The following CSMD1 variants were observed in gnomAD, a reference collection of about 807,000 sequenced individuals.
CSMD1 encodes CUB and sushi domain-containing protein 1.
In CSMD1, 213 loss-of-function variants were observed where a neutral mutation model predicts 417.5. That is an observed-to-expected ratio of 0.51 (90% CI 0.46 to 0.57). The LOEUF (loss-of-function observed/expected upper bound fraction) is 0.57. Among genes scored for constraint, CSMD1 ranks in the 20% least tolerant of loss-of-function variants. The pLI is 0.00. For missense variants in CSMD1, 6,923 were observed against 4,529.7 expected, an observed-to-expected ratio of 1.53 and a Z score of -15.17; for synonymous variants, 2,862 against 1,736.8, an observed-to-expected ratio of 1.65 and a Z score of -16.11.
At chr8:3,646,324 A>C (rs1274806534) in intron 7 of CSMD1, among the ~76,000 whole-genome samples, 1 of 152,208 alleles carries the variant, frequency 6.6e-6, no homozygotes, top group African/African-American at 2.4e-5. Flanking sequence ...AAAATATAGA[A>C]GATATTAAAA....
chr8:3,850,752 A>T (rs191964827), intron 5 of CSMD1, among the ~76,000 whole-genome samples: 38 of 152,236 alleles, frequency 2.5e-4, no homozygotes, highest in Admixed American at 7.2e-4. Context: ...TGAAATTCGC[A>T]TTTATACACA....
intron 3 of CSMD1, among the ~76,000 whole-genome samples, chr8:4,369,135 G>T (rs899273696): frequency 6.6e-6 from 1 of 152,010 alleles, no homozygotes; most frequent in Non-Finnish European, 1.5e-5. Flanking sequence ...CAGAGATTCT[G>T]GTATTTTGTG....
chr8:4,066,862 C>A (rs559098831), intron 3 of CSMD1, among the ~76,000 whole-genome samples: 34 of 152,322 alleles, frequency 2.2e-4, no homozygotes, highest in African/African-American at 8.2e-4. Flanking sequence ...TTGATCACTG[C>A]TGATTTAACA....
chr8:3,407,594 GATGGATGGATGA>G (rs1377400143), intron 14 of CSMD1, among the ~76,000 whole-genome samples: 2 of 151,948 alleles, frequency 1.3e-5, no homozygotes, highest in Non-Finnish European at 2.9e-5. Flanking sequence ...TGGATAGAAT[GATGGATGGATGA>G]ATGGATGGAT....
intron 6 of CSMD1, among the ~76,000 whole-genome samples, chr8:3,731,685 GA>G (rs1796270079): frequency 6.6e-6 from 1 of 152,266 alleles, no homozygotes; most frequent in South Asian, 2.1e-4. Flanking sequence ...AACAATTGAG[GA>G]AACAAAGTAT....
intron 5 of CSMD1, among the ~76,000 whole-genome samples, chr8:3,828,034 G>A (rs1412304255): frequency 6.6e-6 from 1 of 152,180 alleles, no homozygotes; most frequent in Admixed American, 6.5e-5. Context: ...ATGGATTTGT[G>A]TGTGATATAC....
chr8:4,680,885 A>G (rs1176689850), intron 1 of CSMD1, among the ~76,000 whole-genome samples: 1 of 151,714 alleles, frequency 6.6e-6, no homozygotes, highest in African/African-American at 2.4e-5. Flanking sequence ...CAACCCTAAG[A>G]TAGTTTTCAA....
At chr8:3,475,043 C>G (rs143091533) in intron 11 of CSMD1, among the ~76,000 whole-genome samples, 2 of 152,300 alleles carry the variant, frequency 1.3e-5, no homozygotes, top group East Asian at 3.9e-4. Flanking sequence ...TTTCCCCATT[C>G]TCCAGAATGA....
chr8:4,870,942 T>A (rs1802701380), intron 1 of CSMD1, among the ~76,000 whole-genome samples: 1 of 152,216 alleles, frequency 6.6e-6, no homozygotes, highest in Non-Finnish European at 1.5e-5. Flanking sequence ...GGATGGAGCC[T>A]CATTCAAATC....
intron 3 of CSMD1, among the ~76,000 whole-genome samples, chr8:4,316,414 C>G (rs1199065026): frequency 6.6e-6 from 1 of 152,096 alleles, no homozygotes; most frequent in Non-Finnish European, 1.5e-5. Flanking sequence ...AAGACAATTT[C>G]TTCATATATT....
intron 1 of CSMD1, among the ~76,000 whole-genome samples, chr8:4,706,077 A>G (rs926831099): frequency 6.6e-6 from 1 of 150,662 alleles, no homozygotes; most frequent in Non-Finnish European, 1.5e-5. Context: ...ATGATACATA[A>G]AATTTTAACA....
intron 1 of CSMD1, among the ~76,000 whole-genome samples, chr8:4,745,587 C>T (rs1810899728): frequency 6.6e-6 from 1 of 151,676 alleles, no homozygotes; most frequent in South Asian, 2.1e-4. Context: ...TTCTTAGATG[C>T]TAGAAATAAA....
chr8:4,505,113 C>G (rs866891934), intron 2 of CSMD1, among the ~76,000 whole-genome samples: 1 of 152,110 alleles, frequency 6.6e-6, no homozygotes, highest in Non-Finnish European at 1.5e-5. Flanking sequence ...AATATAAGCA[C>G]AAATCCAAAA....
chr8:3,963,301 A>T (rs1812447791), intron 5 of CSMD1, among the ~76,000 whole-genome samples: 2 of 152,132 alleles, frequency 1.3e-5, no homozygotes, highest in South Asian at 4.1e-4. Context: ...AAGGTTCCAA[A>T]TCCATGGCTC....
rs566515972 is a variant in CSMD1, at chr8:3,429,121, C to T, written c.1562-19516G>A. Among the ~76,000 whole-genome samples, 85 of 152,170 alleles carry T rather than the reference C, an allele frequency of 5.6e-4. 1 individual carries two copies. In the Middle Eastern group the frequency reaches 0.01, roughly 18 times the overall value. ...TAAGAAGTTCTTGTGTGCTATTGTA[C>T]AGAAGGGTGATTACACTTAACAATA... is the stretch of plus-strand genomic sequence containing the variant. On this transcript the variant is annotated intron_variant, in intron 12 of 69. Transcript: ENST00000635120.
At chr8:3,929,670 T>A (rs1471999177) in intron 5 of CSMD1, among the ~76,000 whole-genome samples, 3 of 148,642 alleles carry the variant, frequency 2.0e-5, no homozygotes, top group Non-Finnish European at 4.5e-5. Context: ...AAATACTATT[T>A]TTTTTTTTTG....
At chr8:4,799,541 G>C (rs532780028) in intron 1 of CSMD1, among the ~76,000 whole-genome samples, 22 of 132,436 alleles carry the variant, frequency 1.7e-4, no homozygotes, top group Non-Finnish European at 2.3e-4. Context: ...GGAGGTTGCA[G>C]TGAGCTGAGA....
chr8:4,080,762 T>A (rs748571769), intron 3 of CSMD1, among the ~76,000 whole-genome samples: 1 of 152,186 alleles, frequency 6.6e-6, no homozygotes, highest in Non-Finnish European at 1.5e-5. Flanking sequence ...ATAAGGTGAA[T>A]AAGACTGGGC....
chr8:3,327,683 G>A (rs1426258618), intron 23 of CSMD1, among the ~76,000 whole-genome samples: 2 of 152,156 alleles, frequency 1.3e-5, no homozygotes, highest in Non-Finnish European at 1.5e-5. Flanking sequence ...CCGAAGAAAT[G>A]AGCACATACA....
Sources: gnomAD v4.1 joint callset for allele counts (sites outside exome capture counted in the v4.1 genomes callset) on GRCh38, gnomAD v4.1.1 for gene constraint, MANE v1.5 for transcripts, NCBI Gene and HGNC (gene_info 2026-07-23, HGNC 2026-07-21) for gene names.